Variants in SLC14A2 observed in about 807,000 individuals in gnomAD.
SLC14A2 encodes solute carrier family 14 member 2.
A neutral mutation model predicts 104.6 loss-of-function variants in SLC14A2; 91 were observed. The ratio of observed to expected loss-of-function variants is 0.87; its 90% confidence interval spans 0.73 to 1.04. The LOEUF is 1.04. Among genes scored for constraint, SLC14A2 ranks in the 50% least tolerant of loss-of-function variants. The probability of loss-of-function intolerance (pLI) is 0.00; values close to 1 mark genes in which losing one functional copy is unlikely to be tolerated. For missense variants in SLC14A2, 1,189 were observed against 1,156.0 expected, an observed-to-expected ratio of 1.03 and a Z score of -0.41; for synonymous variants, 476 against 466.4, an observed-to-expected ratio of 1.02 and a Z score of -0.27.
At chr18:45,444,626 A>C (rs2086734086) in intron 1 of SLC14A2, among the ~76,000 whole-genome samples, 1 of 152,226 alleles carries the variant, frequency 6.6e-6, no homozygotes, top group Non-Finnish European at 1.5e-5. Context: ...CTATCATGTG[A>C]GTGAATATGA....
intron 7 of SLC14A2, among the ~76,000 whole-genome samples, 178 bp downstream of exon 7, chr18:45,640,071 A>G (rs765021668): frequency 6.6e-6 from 1 of 151,988 alleles, no homozygotes; most frequent in Non-Finnish European, 1.5e-5. Context: ...AGGCACATAG[A>G]TGACCTGAAC....
intron 1 of SLC14A2, among the ~76,000 whole-genome samples, chr18:45,338,550 A>G (rs527435820): frequency 6.6e-6 from 1 of 151,876 alleles, no homozygotes; most frequent in Non-Finnish European, 1.5e-5. Flanking sequence ...TCATGTATTG[A>G]TTCATGATTT....
intron 1 of SLC14A2, among the ~76,000 whole-genome samples, chr18:45,358,750 C>T (rs1434935028): frequency 3.3e-5 from 5 of 152,032 alleles, no homozygotes; most frequent in East Asian, 1.9e-4. Context: ...CTAACTTTTT[C>T]GTATTTTTTT....
chr18:45,220,121 C>A (rs1195060861), intron 1 of SLC14A2, among the ~76,000 whole-genome samples: 2 of 127,122 alleles, frequency 1.6e-5, no homozygotes, highest in Non-Finnish European at 3.5e-5. Context: ...TGATATTGCT[C>A]TCTATCAGCT....
the SLC14A2 span, among the ~76,000 whole-genome samples, chr18:45,182,518 A>G: frequency 2.0e-5 from 3 of 151,974 alleles, no homozygotes; most frequent in African/African-American, 7.2e-5. Context: ...ATAGAAAAAT[A>G]TAAAAAGTAA....
At chr18:45,613,455 T>C (rs1464379391), upstream of SLC14A2, among the ~76,000 whole-genome samples, 1 of 152,090 alleles carries the variant, frequency 6.6e-6, no homozygotes. Context: ...TTGGAACAGT[T>C]TGGAGAGCTC....
chr18:45,452,861 C>T (rs1468578584), intron 1 of SLC14A2, among the ~76,000 whole-genome samples: 1 of 152,192 alleles, frequency 6.6e-6, no homozygotes, highest in Non-Finnish European at 1.5e-5. Flanking sequence ...AGGCATTCTT[C>T]AGCAGCACCA....
chr18:45,597,760 G>A (rs1289280317), intron 2 of SLC14A2, among the ~76,000 whole-genome samples: 1 of 152,232 alleles, frequency 6.6e-6, no homozygotes, highest in Non-Finnish European at 1.5e-5. Context: ...GGAGGATGCA[G>A]AGAGACTGGT....
In SLC14A2 at chr18:45,312,883, G is replaced by A. The variant is rs527979745; in HGVS notation, c.-125+99692G>A. Among the ~76,000 whole-genome samples the A allele has an allele frequency of 2.0e-5, 3 of 152,312 alleles. No homozygotes were observed. The South Asian group carries it at 6.2e-4, about 32-fold the overall frequency. On this transcript the variant is annotated intron_variant, in intron 1 of 20. Coordinates refer to the SLC14A2 transcript ENST00000586448. ...GAGTTGCAGACCACAGAGGGGCGGG[G>A]TATGTGCTGACTGCAGGTGCAGGGT...
intron 2 of SLC14A2, among the ~76,000 whole-genome samples, chr18:45,552,206 C>T (rs2044065477): frequency 1.3e-5 from 2 of 152,162 alleles, no homozygotes; most frequent in African/African-American, 4.8e-5. Flanking sequence ...GAAAACTCTC[C>T]ATGCAGCTTG....
intron 2 of SLC14A2, among the ~76,000 whole-genome samples, chr18:45,552,316 G>A (rs575000900): frequency 3.3e-5 from 5 of 152,272 alleles, no homozygotes; most frequent in South Asian, 2.1e-4. Context: ...CCCATGGCCC[G>A]CATAGCAGCA....
At chr18:45,182,871 T>C in the SLC14A2 span, among the ~76,000 whole-genome samples, 1 of 152,166 alleles carries the variant, frequency 6.6e-6, no homozygotes, top group Non-Finnish European at 1.5e-5. Flanking sequence ...ATAGGTTAAT[T>C]CAATCTGAAG....
intron 1 of SLC14A2, among the ~76,000 whole-genome samples, chr18:45,459,844 T>C (rs1289470655): frequency 6.6e-6 from 1 of 152,240 alleles, no homozygotes; most frequent in Non-Finnish European, 1.5e-5. Flanking sequence ...GGCCTGACTC[T>C]GCTGTAAGAA....
At chr18:45,476,542 G>A (rs944361181) in intron 1 of SLC14A2, among the ~76,000 whole-genome samples, 1 of 152,092 alleles carries the variant, frequency 6.6e-6, no homozygotes, top group African/African-American at 2.4e-5. Flanking sequence ...GCGAGGCTGG[G>A]GAAGTTGTCC....
At chr18:45,667,754 T>TC (rs2046051566) in intron 13 of SLC14A2, 79 bp from the exon 14 acceptor site, 3 of 1,147,902 alleles carry the variant, frequency 2.6e-6, no homozygotes, top group Non-Finnish European at 3.9e-6. Flanking sequence ...ATATCCAGAT[T>TC]CCCTCACACC....
At chr18:45,604,023 G>A (rs1568294833) in intron 2 of SLC14A2, among the ~76,000 whole-genome samples, 1 of 152,150 alleles carries the variant, frequency 6.6e-6, no homozygotes, top group Non-Finnish European at 1.5e-5. Flanking sequence ...TTTTCCATTG[G>A]TCAGATTTTC....
At position 45,263,784 on chromosome 18, in the gene SLC14A2, C is replaced by T. The variant is rs182844116; in HGVS notation, c.-125+50593C>T. ...CTGCCCTTTTGATCTGCCCACATTCCGTTTAAAGCACTTTCTTGCTTTTAG... is the reference window on the plus strand; with the variant it reads ...CTGCCCTTTTGATCTGCCCACATTCTGTTTAAAGCACTTTCTTGCTTTTAG... On this transcript the variant is annotated intron_variant, in intron 1 of 20. Transcript: ENST00000586448. 2.3e-4 allele frequency among the ~76,000 whole-genome samples: 35 copies of T among 152,250 alleles called. 1 individual carries two copies. Among genetic ancestry groups the T allele is most frequent in the Admixed American group, 1.9e-3 (29 of 15,290 alleles).
chr18:45,329,496 G>C (rs970919709), intron 1 of SLC14A2, among the ~76,000 whole-genome samples: 1 of 152,200 alleles, frequency 6.6e-6, no homozygotes, highest in African/African-American at 2.4e-5. Context: ...TTAGAAATGT[G>C]CTTGAGCATT....
chr18:45,492,086 G>A (rs1192777955), intron 2 of SLC14A2: 2 of 152,228 alleles, frequency 1.3e-5, no homozygotes, highest in Non-Finnish European at 2.9e-5. Context: ...TCTCCAAAGT[G>A]ACCTTAAGAT....
Sources: allele counts gnomAD v4.1 joint callset (sites outside exome capture counted in the v4.1 genomes callset), GRCh38; gene constraint gnomAD v4.1.1; transcripts MANE v1.5; gene names NCBI Gene and HGNC (gene_info 2026-07-23, HGNC 2026-07-21).